Variants in KSR1 observed in about 807,000 individuals in gnomAD.
KSR1 encodes the protein kinase suppressor of ras 1, also known as kinase suppressor of ras.
Under a neutral mutation model 92.9 loss-of-function variants are expected in KSR1, and 35 were observed. The ratio of observed to expected loss-of-function variants is 0.38; its 90% CI spans 0.29 to 0.50. KSR1 has a LOEUF of 0.50. KSR1 is among the 20% of genes least tolerant of loss of function. KSR1 has a pLI of 0.94. For synonymous variants in KSR1, 467 were observed against 472.6 expected, an observed-to-expected ratio of 0.99 and a Z score of 0.15; for missense variants, 972 against 1,158.5, an observed-to-expected ratio of 0.84 and a Z score of 2.34.
At chr17:27,564,175 A>AAGAC (rs1437270176) in intron 2 of KSR1, among the ~76,000 whole-genome samples, 6 of 151,588 alleles carry the variant, frequency 4.0e-5, no homozygotes, top group Non-Finnish European at 8.8e-5. Context: ...ATTTTTAGTA[A>AAGAC]AGACAGGGTT....
chr17:27,518,179 G>C (rs1470230604), intron 1 of KSR1, among the ~76,000 whole-genome samples: 1 of 152,094 alleles, frequency 6.6e-6, no homozygotes, highest in East Asian at 1.9e-4. Flanking sequence ...GTTGGCAAGG[G>C]GGGAGCTGGC....
intron 1 of KSR1, among the ~76,000 whole-genome samples, chr17:27,539,788 G>A (rs1217269492): frequency 1.3e-5 from 2 of 152,214 alleles, no homozygotes; most frequent in Non-Finnish European, 2.9e-5. Flanking sequence ...AATTGAGGCA[G>A]GAAGGAAAAC....
chr17:27,492,211 A>G (rs957818329), intron 1 of KSR1, among the ~76,000 whole-genome samples: 14 of 152,174 alleles, frequency 9.2e-5, no homozygotes, highest in African/African-American at 3.4e-4. Context: ...TAGGAAAGTA[A>G]TTTTAAACAC....
intron 12 of KSR1, 62 bp from the exon 13 acceptor site, chr17:27,604,618 C>T (rs967346582): frequency 1.2e-5 from 18 of 1,531,214 alleles, no homozygotes; most frequent in Admixed American, 1.2e-4. Context: ...CGGGAGTCCC[C>T]GCTAGCTGAG....
chr17:27,548,223 C>T (rs1226847745), intron 1 of KSR1, among the ~76,000 whole-genome samples: 2 of 140,570 alleles, frequency 1.4e-5, no homozygotes, highest in East Asian at 2.0e-4. Context: ...TAGTGAGACC[C>T]CATCTCAAAA....
chr17:27,506,614 T>G (rs1252767975), intron 1 of KSR1, among the ~76,000 whole-genome samples: 1 of 152,162 alleles, frequency 6.6e-6, no homozygotes, highest in Non-Finnish European at 1.5e-5. Context: ...GAGTCTTCCC[T>G]TTGCAGTTGG....
chr17:27,493,681 T>C (rs541483352), intron 1 of KSR1, among the ~76,000 whole-genome samples: 5 of 152,162 alleles, frequency 3.3e-5, no homozygotes, highest in African/African-American at 9.6e-5. Context: ...TTGTCGTGAG[T>C]GTAAAGAAGC....
At chr17:27,566,661 A>G (rs2072086270) in intron 2 of KSR1, 2 of 398,050 alleles carry the variant, frequency 5.0e-6, no homozygotes, top group East Asian at 7.1e-5. Flanking sequence ...CTGCTTTGCT[A>G]CCTGGCTGTA....
intron 5 of KSR1, among the ~76,000 whole-genome samples, chr17:27,587,846 A>C (rs1181352929): frequency 6.6e-6 from 1 of 152,206 alleles, no homozygotes; most frequent in Non-Finnish European, 1.5e-5. Flanking sequence ...TCAGCAGAGA[A>C]GGAGGGTGCC....
intron 12 of KSR1, among the ~76,000 whole-genome samples, chr17:27,604,162 T>G (rs2073668140): frequency 6.6e-6 from 1 of 152,184 alleles, no homozygotes; most frequent in Non-Finnish European, 1.5e-5. Flanking sequence ...TAGAGAAGCC[T>G]AAGAATAGCT....
intron 1 of KSR1, among the ~76,000 whole-genome samples, chr17:27,504,939 A>G: frequency 6.6e-6 from 1 of 152,178 alleles, no homozygotes; most frequent in East Asian, 1.9e-4. Flanking sequence ...CCTGTCTATA[A>G]AACGGGCATA....
intron 18 of KSR1, chr17:27,612,626 TCCAGGG>T (rs2073952117): frequency 6.6e-6 from 1 of 152,244 alleles, no homozygotes; most frequent in South Asian, 2.1e-4. Context: ...ATAAAGAAAC[TCCAGGG>T]CTTGGTGTTT....
chr17:27,603,718 G>A (rs1184476794), intron 11 of KSR1, 116 bp from the exon 12 acceptor site: 3 of 1,004,994 alleles, frequency 3.0e-6, no homozygotes, highest in Admixed American at 3.9e-5. Context: ...GGGAACATGT[G>A]GCAGTCCACT....
rs1286711805 is a variant in KSR1, at chr17:27,582,964, A to T, written c.839A>T (p.His280Leu). 1.6e-6 allele frequency: 2 copies of T among 1,284,094 alleles called. No homozygotes were observed. The highest frequency in any genetic ancestry group is 2.1e-6 in the Non-Finnish European group (2 of 955,464). The allele number at this position is 1,284,094 out of a possible 1,614,324, so 79.5% of individuals were successfully genotyped here. Reference sequence around the variant, plus strand: ...CCCACCACACCCCAGCTGCGACGGCACACCAAGCTGAAGCCACCACGGACG... The same window carrying T: ...CCCACCACACCCCAGCTGCGACGGCTCACCAAGCTGAAGCCACCACGGACG... ...TPPTTPQLRR[H>L]TKLKPPRTPP... is the part of the protein sequence containing the mutation. Residue 280 changes from histidine (H) to leucine (L), a missense_variant, in exon 4 of 21, where the codon CAC (histidine) becomes CTC (leucine). This residue lies in a region of KSR1 where 611 missense variants were observed against 668.0 expected (regional missense o/e 0.91). Coordinates refer to ENST00000644974, the MANE Select transcript of KSR1 (RefSeq NM_001394583.1).
chr17:27,578,816 C>A (rs149547730), intron 3 of KSR1: 132 of 152,370 alleles, frequency 8.7e-4, no homozygotes, highest in African/African-American at 3.0e-3. Context: ...AGGGAGATCA[C>A]TAATTTATGC....
In KSR1 at chr17:27,569,766, G is replaced by A. The variant is rs544206941; in HGVS notation, c.373-7726G>A. On this transcript the variant is annotated intron_variant, in intron 2 of 20. Transcript: ENST00000644974. ...CACAGCAGCAGAGTGGAGCAGTTTC[G>A]ACAGAGACCATGTGGCCCACAAAGC... is the stretch of plus-strand genomic sequence containing the variant. Among the ~76,000 whole-genome samples the A allele has an allele frequency of 9.8e-5, 15 of 152,344 alleles. No individual in the cohort carries two copies. In the South Asian group the frequency reaches 1.7e-3, roughly 17 times the overall value.
chr17:27,559,826 G>A lies in KSR1; in HGVS notation c.372+9118G>A, dbSNP rs756003240. Among the ~76,000 whole-genome samples, 3 of 152,238 alleles carry A rather than the reference G, an allele frequency of 2.0e-5. No homozygotes were observed. The highest frequency in any genetic ancestry group is 4.8e-5 in the African/African-American group (2 of 41,464). On this transcript the variant is annotated intron_variant, in intron 2 of 20. Transcript: ENST00000644974. This position sits in a 1 kb window ranked among gnomAD's most constrained non-coding sequence, Gnocchi z 4.2. ...GAGGAAATCAGAGCGCTTGTGAAGCGCGTGAGGAGGAGTCTGTGAGGAGGC... is the reference window on the plus strand; with the variant it reads ...GAGGAAATCAGAGCGCTTGTGAAGCACGTGAGGAGGAGTCTGTGAGGAGGC...
At chr17:27,494,320 T>C (rs1597877449) in intron 1 of KSR1, among the ~76,000 whole-genome samples, 1 of 151,866 alleles carries the variant, frequency 6.6e-6, no homozygotes, top group South Asian at 2.1e-4. Flanking sequence ...AGATTAGAGA[T>C]GTGTAAAGTG....
chr17:27,538,865 C>T (rs535493316), intron 1 of KSR1, among the ~76,000 whole-genome samples: 1 of 152,314 alleles, frequency 6.6e-6, no homozygotes, highest in South Asian at 2.1e-4. Flanking sequence ...CCCTGTCCAG[C>T]CCTTTGTCCT....
Sources: gnomAD v4.1 joint callset for allele counts (sites outside exome capture counted in the v4.1 genomes callset) on GRCh38, gnomAD v4.1.1 for gene constraint, gnomAD v4.1.1 regional missense constraint, Gnocchi (gnomAD v3.1) non-coding constraint, MANE v1.5 for transcripts, NCBI Gene and HGNC (gene_info 2026-07-23, HGNC 2026-07-21) for gene names.